TPST2: variants seen among roughly 807,000 people sequenced by gnomAD.
TPST2 encodes the protein tyrosylprotein sulfotransferase 2.
A neutral mutation model predicts 27.8 loss-of-function variants in TPST2; 16 were observed. That is an observed-to-expected ratio of 0.58 (90% CI 0.39 to 0.88). The LOEUF is 0.88. TPST2 is among the 40% of genes least tolerant of loss of function. TPST2 has a pLI of 0.00. For missense variants in TPST2, 464 were observed against 543.1 expected, an observed-to-expected ratio of 0.85 and a Z score of 1.45; for synonymous variants, 229 against 231.7, an observed-to-expected ratio of 0.99 and a Z score of 0.10.
At chr22:26,569,999 G>A (rs868348676) in intron 1 of TPST2, among the ~76,000 whole-genome samples, 1 of 24,868 alleles carries the variant, frequency 4.0e-5, no homozygotes, top group Non-Finnish European at 7.1e-5. Flanking sequence ...GAAAAAGAAA[G>A]AAAGAAAGAA....
chr22:26,573,147 C>T (rs1927697297), intron 1 of TPST2, among the ~76,000 whole-genome samples: 1 of 152,240 alleles, frequency 6.6e-6, no homozygotes, highest in Admixed American at 6.5e-5. Context: ...AATCTTCCCA[C>T]CTCAGCCCCT....
At chr22:26,561,371 C>T (rs1442741016) in intron 1 of TPST2, among the ~76,000 whole-genome samples, 1 of 152,130 alleles carries the variant, frequency 6.6e-6, no homozygotes. Flanking sequence ...AGCCGCTAAC[C>T]TTGCCTGGTA....
At position 26,536,472 on chromosome 22, in the gene TPST2, G is replaced by A. The variant is rs373340063; in HGVS notation, c.857C>T (p.Thr286Met). The A allele has an allele frequency of 1.3e-5, 20 of 1,537,506 alleles. No individual in the cohort carries two copies. In the Admixed American group the frequency reaches 1.4e-4, roughly 11 times the overall value. ...GVSLSKIERS[T>M]DQVIKPVNLE... ...GTTAACAGGCTTGATGACCTGGTCC[G>A]TGGACCGCTCGATCCTGGGGAGAGA... The change falls in exon 4 of 7, where the codon ACG becomes ATG. Residue 286 changes from threonine (T) to methionine (M), a missense_variant. Physicochemically the swap from Thr to Met is moderately conservative, Grantham distance 81. Coordinates refer to ENST00000338754, the MANE Select transcript of TPST2 (RefSeq NM_003595.5).
chr22:26,569,983 AAGAAAG>A (rs1412343062), intron 1 of TPST2, among the ~76,000 whole-genome samples: 2 of 6,942 alleles, frequency 2.9e-4, no homozygotes, highest in Admixed American at 4.2e-3. Context: ...AAAGAAAGAA[AAGAAAG>A]AAAAAGAAAG....
At chr22:26,563,031 C>T (rs1206873982) in intron 1 of TPST2, among the ~76,000 whole-genome samples, 1 of 152,184 alleles carries the variant, frequency 6.6e-6, no homozygotes, top group Non-Finnish European at 1.5e-5. Context: ...ATCCCCAGCA[C>T]AAAGAATCAT....
At chr22:26,565,759 T>C (rs943130060) in intron 1 of TPST2, 1 of 152,126 alleles carries the variant, frequency 6.6e-6, no homozygotes, top group African/African-American at 2.4e-5. Flanking sequence ...TCAATATATA[T>C]AAAATATTAT....
intron 1 of TPST2, among the ~76,000 whole-genome samples, chr22:26,581,393 T>G (rs996220339): frequency 7.2e-5 from 11 of 152,062 alleles, no homozygotes; most frequent in Middle Eastern, 3.2e-3. Context: ...TCCCCAAACT[T>G]CCAGCACAGG....
chr22:26,522,193 T>C lies in TPST2; in HGVS notation c.*4082A>G, dbSNP rs995280730. 1 of 152,088 alleles carries C rather than the reference T, an allele frequency of 6.6e-6. No individual in the cohort carries two copies. Among genetic ancestry groups the C allele is most frequent in the Non-Finnish European group, 1.5e-5 (1 of 68,046 alleles). 9.4% of individuals were successfully genotyped at this position (152,088 alleles called of 1,614,324 possible). ...AGTTCTTATCCCTTTACCCCCATTT[T>C]ACAGAAGAGGAAAACTGAGGCTCAG... On this transcript the variant is annotated 3_prime_UTR_variant, in exon 7 of 7. Transcript: ENST00000338754.
chr22:26,532,961 C>A (rs1430862044), intron 4 of TPST2, among the ~76,000 whole-genome samples: 3 of 152,074 alleles, frequency 2.0e-5, no homozygotes. Context: ...TTCCTGTTCC[C>A]CTGGAGCTAC....
At chr22:26,557,461 A>G (rs1214220740) in intron 1 of TPST2, among the ~76,000 whole-genome samples, 2 of 152,198 alleles carry the variant, frequency 1.3e-5, no homozygotes, top group African/African-American at 4.8e-5. Context: ...GGGTGTGGCT[A>G]ATGCCTTGCA....
chr22:26,585,828 A>G (rs1282686349), intron 1 of TPST2, among the ~76,000 whole-genome samples: 6 of 152,134 alleles, frequency 3.9e-5, no homozygotes, highest in Admixed American at 3.3e-4. Context: ...AGGCGGGCGG[A>G]TCACAAGGTC....
Position 26,540,835 on chromosome 22 carries a change from G to A in TPST2, c.796C>T (p.His266Tyr), listed in dbSNP as rs780156467. 2 of 1,612,544 alleles carry A rather than the reference G, an allele frequency of 1.2e-6. No individual in the cohort carries two copies. The highest frequency in any genetic ancestry group is 8.5e-7 in the Non-Finnish European group (1 of 1,179,312). Residue 266 changes from histidine (H) to tyrosine (Y), a missense_variant, in exon 3 of 7, where the codon CAC (histidine) becomes TAC (tyrosine). Transcript: ENST00000338754. The part of the protein sequence containing the change: ...LGIAWSDAVL[H>Y]HEDLIGKPGG... ...GGCTTGCCAATGAGGTCTTCATGGT[G>A]GAGGACAGCGTCGCTCCAGGCGATG...
In TPST2 at chr22:26,544,630, C is replaced by T; in HGVS notation, c.-115G>A. ...TCCCTTGGGCACTCTCATCTCTGGG[C>T]TCCAGCCCTTGTGCCTGTGTGCCAA... On this transcript the variant is annotated 5_prime_UTR_variant, in exon 2 of 7. Transcript: ENST00000338754. The T allele has an allele frequency of 1.0e-6, 1 of 986,004 alleles. No individual in the cohort carries two copies. Among genetic ancestry groups the T allele is most frequent in the South Asian group, 4.7e-5 (1 of 21,286 alleles). The allele number at this position is 986,004 out of a possible 1,614,324, so 61.1% of individuals were successfully genotyped here. A position where few individuals can be genotyped will look rare whatever the true frequency, so the allele number is the denominator to read the frequency against.
intron 1 of TPST2, among the ~76,000 whole-genome samples, chr22:26,586,934 T>G (rs1928369073): frequency 6.6e-6 from 1 of 152,180 alleles, no homozygotes; most frequent in Non-Finnish European, 1.5e-5. Flanking sequence ...AGGGGGAAGA[T>G]GTCTGTGTGT....
intron 1 of TPST2, among the ~76,000 whole-genome samples, chr22:26,567,213 C>T (rs1375762252): frequency 1.3e-5 from 2 of 152,316 alleles, no homozygotes; most frequent in South Asian, 4.1e-4. Flanking sequence ...CTTACTCCAC[C>T]CTGAGACTCA....
chr22:26,568,498 A>C (rs1020671301), intron 1 of TPST2, among the ~76,000 whole-genome samples: 1 of 152,230 alleles, frequency 6.6e-6, no homozygotes, highest in Non-Finnish European at 1.5e-5. Context: ...ATGATGCAAT[A>C]AAGAAGCCGG....
chr22:26,533,387 T>G (rs1003520264), intron 4 of TPST2, among the ~76,000 whole-genome samples: 1 of 152,086 alleles, frequency 6.6e-6, no homozygotes, highest in Non-Finnish European at 1.5e-5. Context: ...ATCACTCCAC[T>G]CTAGCCTGAG....
intron 6 of TPST2, among the ~76,000 whole-genome samples, chr22:26,527,549 C>A (rs1242086383): frequency 3.9e-5 from 6 of 152,218 alleles, no homozygotes. Context: ...TTTCCCCACC[C>A]CTTAGTAGAA....
chr22:26,567,023 A>G (rs1927410209), intron 1 of TPST2, among the ~76,000 whole-genome samples: 1 of 152,174 alleles, frequency 6.6e-6, no homozygotes, highest in Non-Finnish European at 1.5e-5. Context: ...GAGTCCTGAC[A>G]ACCAAAAATG....
Sources: gnomAD v4.1 joint callset for allele counts (sites outside exome capture counted in the v4.1 genomes callset) on GRCh38, gnomAD v4.1.1 for gene constraint, MANE v1.5 for transcripts, NCBI Gene and HGNC (gene_info 2026-07-23, HGNC 2026-07-21) for gene names.